USP24: variants seen among roughly 807,000 people sequenced by gnomAD.
The protein encoded by USP24 is ubiquitin specific peptidase 24, also known as ubiquitin carboxyl-terminal hydrolase 24.
Under a neutral mutation model 361.6 loss-of-function variants are expected in USP24, and 97 were observed. That is an observed-to-expected ratio of 0.27 (90% CI 0.23 to 0.32). The LOEUF is 0.32. USP24 is among the 10% of genes least tolerant of loss of function. USP24 has a pLI of 1.00. For synonymous variants in USP24, 1,098 were observed against 1,124.6 expected (o/e 0.98, Z 0.47); for missense variants, 2,353 against 3,165.6 (o/e 0.74, Z 6.16).
At chr1:55,107,705 G>A (rs142820205) in intron 39 of USP24, among the ~76,000 whole-genome samples, 336 of 151,816 alleles carry the variant, frequency 2.2e-3, no homozygotes, top group Non-Finnish European at 3.2e-3. Context: ...ACACGGGCAC[G>A]GTGGTGCATG....
rs2100612079 is a variant in USP24, at chr1:55,124,704, G to A, written c.3961-76C>T. ...CCTGACATGTACAACCTTCTTACAGGTCTCAGTTTCATACGCCTCCTTTCC... is the reference window on the plus strand; with the variant it reads ...CCTGACATGTACAACCTTCTTACAGATCTCAGTTTCATACGCCTCCTTTCC... On this transcript the variant is annotated intron_variant, in intron 34 of 67. Coordinates refer to ENST00000294383, the MANE Select transcript of USP24 (RefSeq NM_015306.3). 9 of 1,529,650 alleles carry A rather than the reference G, an allele frequency of 5.9e-6. No individual in the cohort carries two copies. The South Asian group carries it at 1.1e-4, about 18-fold the overall frequency. The allele number at this position is 1,529,650 out of a possible 1,614,324, so 94.8% of individuals were successfully genotyped here.
At chr1:55,116,064 T>C (rs536780072) in intron 38 of USP24, among the ~76,000 whole-genome samples, 3 of 152,254 alleles carry the variant, frequency 2.0e-5, no homozygotes, top group Non-Finnish European at 4.4e-5. Context: ...AAATACCTAA[T>C]GTAGATGACG....
At position 55,069,084 on chromosome 1, in the gene USP24, AATC is replaced by A. The variant is rs747035013; in HGVS notation, c.7821_7823del (p.Met2607del). On this transcript the variant is annotated inframe_deletion, in exon 68 of 68. Coordinates refer to ENST00000294383, the MANE Select transcript of USP24 (RefSeq NM_015306.3). ...CATCAAGGTCACTTCTCAACTCACC[AATC>A]ATCATGGGAGATTCTGAACCCTGCA... 8.7e-6 allele frequency: 14 copies of A among 1,613,984 alleles called. No homozygotes were observed. In the East Asian group the frequency reaches 2.7e-4, roughly 31 times the overall value.
At chr1:55,070,192 G>A (rs139692317) in intron 67 of USP24, among the ~76,000 whole-genome samples, 48 of 152,220 alleles carry the variant, frequency 3.2e-4, no homozygotes, top group Non-Finnish European at 6.8e-4. Flanking sequence ...GCAGGGAGGA[G>A]GGGCTGGGCA....
chr1:55,079,621 C>T lies in USP24; in HGVS notation c.7117G>A (p.Ala2373Thr). 1 of 1,549,686 alleles carries T rather than the reference C, an allele frequency of 6.5e-7. No homozygotes were observed. The highest frequency in any genetic ancestry group is 2.4e-5 in the East Asian group (1 of 40,930). The stretch of plus-strand genomic sequence containing the variant: ...AGGGGCAACAGAGGGCTTGAGGGAG[C>T]AATGCTAATGGGTGGTCGTTGCTTA... ...IFKQRPPISI[A>T]PSSPLLPLHE... The change falls in exon 60 of 68, where the codon GCT (alanine) becomes ACT (threonine). Residue 2373 changes from alanine to threonine, a missense_variant. Coordinates refer to ENST00000294383, the MANE Select transcript of USP24 (RefSeq NM_015306.3).
chr1:55,159,720 G>A (rs368240666), intron 8 of USP24, 35 bp from the exon 9 acceptor site: 52 of 1,518,050 alleles, frequency 3.4e-5, no homozygotes, highest in South Asian at 7.2e-5. Context: ...AAGAACTCCC[G>A]AAGCTGTCCC....
At chr1:55,139,089 A>G in intron 24 of USP24, 79 bp from the exon 25 acceptor site, 1 of 1,281,972 alleles carries the variant, frequency 7.8e-7, no homozygotes, top group East Asian at 2.5e-5. Flanking sequence ...GTTTCACCAA[A>G]ACCACAATAA....
At chr1:55,082,247 G>A (rs1038993479) in intron 58 of USP24, among the ~76,000 whole-genome samples, 1 of 152,170 alleles carries the variant, frequency 6.6e-6, no homozygotes, top group African/African-American at 2.4e-5. Flanking sequence ...TTGTGACCTT[G>A]GACAACTTAC....
chr1:55,071,471 A>C, intron 67 of USP24: 1 of 1,046,928 alleles, frequency 9.6e-7, no homozygotes, highest in Admixed American at 4.9e-5. Flanking sequence ...GGTGAGAGCA[A>C]ACGAGGGACT....
rs1454416813 is a variant in USP24 at position 55,172,357 on chromosome 1, T to C, written c.702+20A>G. 29 of 1,569,522 alleles carry C rather than the reference T, an allele frequency of 1.8e-5. No individual in the cohort carries two copies. The highest frequency in any genetic ancestry group is 2.4e-5 in the Non-Finnish European group (28 of 1,161,292). On this transcript the variant is annotated intron_variant, in intron 4 of 67. Transcript: ENST00000294383. ...AAACAAAATCAAAACACAAAGTACT[T>C]AATTTTAGAGATACTATACCATTGT...
At chr1:55,212,090 T>C (rs192771691) in intron 1 of USP24, among the ~76,000 whole-genome samples, 88 of 152,328 alleles carry the variant, frequency 5.8e-4, no homozygotes, top group African/African-American at 2.1e-3. Flanking sequence ...ACCTCTTCTA[T>C]TAACTGACTC....
At chr1:55,152,184 C>T (rs905896912) in intron 16 of USP24, among the ~76,000 whole-genome samples, 21 of 152,086 alleles carry the variant, frequency 1.4e-4, no homozygotes, top group Non-Finnish European at 2.1e-4. Flanking sequence ...AATAATGGTA[C>T]ACCAGTATTT....
intron 1 of USP24, among the ~76,000 whole-genome samples, chr1:55,179,674 TC>T: frequency 6.6e-6 from 1 of 151,990 alleles, no homozygotes; most frequent in South Asian, 2.1e-4. Flanking sequence ...CCATCCCCAT[TC>T]CCAGGACCTG....
At chr1:55,111,416 A>C (rs1163568733) in intron 38 of USP24, among the ~76,000 whole-genome samples, 1 of 152,106 alleles carries the variant, frequency 6.6e-6, no homozygotes, top group Admixed American at 6.5e-5. Flanking sequence ...ACTTATATTA[A>C]GTGAACTGAC....
chr1:55,177,092 AC>A (rs1650058019), intron 2 of USP24, among the ~76,000 whole-genome samples: 1 of 144,586 alleles, frequency 6.9e-6, no homozygotes, highest in African/African-American at 2.5e-5. Context: ...AAAATCAAAA[AC>A]CAAAAAAAAA....
intron 3 of USP24, among the ~76,000 whole-genome samples, chr1:55,173,835 A>G (rs528582210): frequency 6.6e-6 from 1 of 152,338 alleles, no homozygotes; most frequent in East Asian, 1.9e-4. Context: ...TAAAAATTAA[A>G]TAATAAAGCA....
Position 55,146,056 on chromosome 1 carries a change from C to T in USP24, c.2304G>A (p.Gln768=). The change falls in exon 20 of 68, where the codon CAG becomes CAA. Residue 768 remains glutamine, a synonymous_variant. Transcript: ENST00000294383. ...GAATTTTCTCCTTGAAGAGCTGCTG[C>T]TGAACATCACTCTCAAGATCATGCT... ...KGQHDLESDV[Q]QQLFKEKILK... 1 of 1,613,148 alleles carries T rather than the reference C, an allele frequency of 6.2e-7. No homozygotes were observed. Among genetic ancestry groups the T allele is most frequent in the Non-Finnish European group, 8.5e-7 (1 of 1,179,528 alleles).
chr1:55,204,861 T>C (rs1322868648), intron 1 of USP24, among the ~76,000 whole-genome samples: 1 of 152,210 alleles, frequency 6.6e-6, no homozygotes, highest in Non-Finnish European at 1.5e-5. Flanking sequence ...TAATGCCTAT[T>C]CTTACCATTT....
rs767722173 is a variant in USP24, at chr1:55,092,012, T to C, written c.6554+11A>G. On this transcript the variant is annotated intron_variant, in intron 54 of 67. Coordinates refer to ENST00000294383, the MANE Select transcript of USP24 (RefSeq NM_015306.3). ...TGTCACAACAGATTATCAAAACATATCACTTCTCACCTGAGTTTCTTCTTT... is the reference window on the plus strand; with the variant it reads ...TGTCACAACAGATTATCAAAACATACCACTTCTCACCTGAGTTTCTTCTTT... 1.1e-5 allele frequency: 17 copies of C among 1,586,086 alleles called. No homozygotes were observed. In the South Asian group the frequency reaches 1.6e-4, roughly 15 times the overall value.
Sources: gnomAD v4.1 joint callset for allele counts (sites outside exome capture counted in the v4.1 genomes callset) on GRCh38, gnomAD v4.1.1 for gene constraint, MANE v1.5 for transcripts, NCBI Gene and HGNC (gene_info 2026-07-23, HGNC 2026-07-21) for gene names.